NCAM1: variants seen among roughly 807,000 people sequenced by gnomAD.
NCAM1 encodes the protein neural cell adhesion molecule 1, also known as antigen recognized by monoclonal antibody 5.1H11.
Under a neutral mutation model 109.8 loss-of-function variants are expected in NCAM1, and 14 were observed. The ratio of observed to expected loss-of-function variants is 0.13; its 90% CI spans 0.08 to 0.20. The LOEUF (loss-of-function observed/expected upper bound fraction) is 0.20, where lower values mean the gene tolerates loss of function less well. NCAM1 is among the 10% of genes least tolerant of loss of function. The pLI, the probability that NCAM1 is intolerant of heterozygous loss-of-function variation, is 1.00. For missense variants in NCAM1, 774 were observed against 1,109.9 expected, an observed-to-expected ratio of 0.70 and a Z score of 4.30; for synonymous variants, 418 against 442.9, an observed-to-expected ratio of 0.94 and a Z score of 0.70.
chr11:113,073,731 C>A (rs183776602), intron 1 of NCAM1, among the ~76,000 whole-genome samples: 1 of 152,296 alleles, frequency 6.6e-6, no homozygotes, highest in Non-Finnish European at 1.5e-5. Flanking sequence ...TTTTAGAACA[C>A]CCGAGTCAGC....
intron 1 of NCAM1, among the ~76,000 whole-genome samples, chr11:112,973,939 G>T (rs1950943281): frequency 6.6e-6 from 1 of 152,044 alleles, no homozygotes. Flanking sequence ...TTTGACAAAA[G>T]TAATAGTTAA....
chr11:112,971,895 T>G (rs1416653325), intron 1 of NCAM1, among the ~76,000 whole-genome samples: 1 of 152,156 alleles, frequency 6.6e-6, no homozygotes, highest in African/African-American at 2.4e-5. Context: ...CTTGTTAGAT[T>G]AAAGAAACCC....
intron 1 of NCAM1, among the ~76,000 whole-genome samples, chr11:113,016,240 A>AT (rs1952202115): frequency 6.6e-6 from 1 of 152,172 alleles, no homozygotes; most frequent in African/African-American, 2.4e-5. Flanking sequence ...TTTCATCCTC[A>AT]TGGCAGCCTT....
chr11:112,981,526 G>T (rs561667324), intron 1 of NCAM1, among the ~76,000 whole-genome samples: 2 of 151,902 alleles, frequency 1.3e-5, no homozygotes, highest in East Asian at 3.9e-4. Flanking sequence ...GTATCTATGG[G>T]ATACCATAGA....
intron 1 of NCAM1, among the ~76,000 whole-genome samples, chr11:113,052,037 G>A (rs1452950342): frequency 6.6e-6 from 1 of 152,304 alleles, no homozygotes. Flanking sequence ...TAGCATCCAG[G>A]TGCAACTTTA....
At chr11:113,180,423 C>G (rs1943295735) in intron 1 of NCAM1, among the ~76,000 whole-genome samples, 1 of 152,172 alleles carries the variant, frequency 6.6e-6, no homozygotes, top group Admixed American at 6.5e-5. Flanking sequence ...TAAAAACAAA[C>G]TTTTAGAGGT....
intron 17 of NCAM1, chr11:113,264,841 C>T (rs1946101798): frequency 9.1e-6 from 9 of 985,400 alleles, no homozygotes; most frequent in East Asian, 1.1e-4. Context: ...TGTAACAGTG[C>T]GCTCCTCAGG....
chr11:113,079,052 C>T (rs1046522891), intron 1 of NCAM1, among the ~76,000 whole-genome samples: 3 of 152,050 alleles, frequency 2.0e-5, no homozygotes, highest in Admixed American at 2.0e-4. Flanking sequence ...GTGGAGAGAG[C>T]TGCAGAGGCA....
rs74998004 is a variant in NCAM1, at chr11:113,162,290, G to A, written c.53-40089G>A. 6.2e-3 allele frequency among the ~76,000 whole-genome samples: 942 copies of A among 152,158 alleles called. 8 individuals are homozygous for A. Among genetic ancestry groups the A allele is most frequent in the Non-Finnish European group, 0.011 (777 of 68,008 alleles). Reference sequence around the variant, plus strand: ...TCTTTTTGGTTTCCAGTCATTAGAAGCATGTTTTTTGTCTTGTCATTTATT... The same window carrying A: ...TCTTTTTGGTTTCCAGTCATTAGAAACATGTTTTTTGTCTTGTCATTTATT... On this transcript the variant is annotated intron_variant, in intron 1 of 19. Coordinates refer to ENST00000316851, the MANE Select transcript of NCAM1 (RefSeq NM_181351.5).
At chr11:113,024,278 G>T (rs984174774) in intron 1 of NCAM1, among the ~76,000 whole-genome samples, 2 of 152,128 alleles carry the variant, frequency 1.3e-5, no homozygotes, top group African/African-American at 2.4e-5. Flanking sequence ...TACTGCCCTC[G>T]GTTTTGAACT....
chr11:113,111,665 C>G (rs1340448613), intron 1 of NCAM1, among the ~76,000 whole-genome samples: 1 of 152,106 alleles, frequency 6.6e-6, no homozygotes, highest in Non-Finnish European at 1.5e-5. Context: ...TAAATTATTC[C>G]TCAGTAAACG....
chr11:113,199,095 C>T (rs926849601), intron 1 of NCAM1, among the ~76,000 whole-genome samples: 5 of 152,048 alleles, frequency 3.3e-5, no homozygotes, highest in East Asian at 3.9e-4. Flanking sequence ...TTCATAAGCA[C>T]GTGTCTTTGA....
chr11:113,080,401 C>T (rs1214080589), intron 1 of NCAM1, among the ~76,000 whole-genome samples: 3 of 151,782 alleles, frequency 2.0e-5, no homozygotes, highest in Non-Finnish European at 4.4e-5. Flanking sequence ...AATCACATAC[C>T]GATTGTCAAA....
intron 1 of NCAM1, among the ~76,000 whole-genome samples, chr11:113,168,132 C>G (rs1200817632): frequency 6.6e-6 from 1 of 152,098 alleles, no homozygotes; most frequent in African/African-American, 2.4e-5. Flanking sequence ...GCTGGATAAT[C>G]GAGTTAATTC....
chr11:113,009,330 T>TTTTTC (rs1951979208), intron 1 of NCAM1, among the ~76,000 whole-genome samples: 1 of 140,498 alleles, frequency 7.1e-6, no homozygotes, highest in Non-Finnish European at 1.6e-5. Flanking sequence ...TTTTTTTTTT[T>TTTTTC]TTTTTTTTTT....
chr11:113,016,307 G>A lies in NCAM1; in HGVS notation c.52+54643G>A, dbSNP rs576344780. 3.3e-5 allele frequency among the ~76,000 whole-genome samples: 5 copies of A among 152,244 alleles called. No homozygotes were observed. In the East Asian group the frequency reaches 7.7e-4, roughly 24 times the overall value. ...ACAACTGCAGAAATTAAGTTTTAGG[G>A]AGGCCAAGCAACTTTCTCAGGGTTG... On this transcript the variant is annotated intron_variant, in intron 1 of 19. Transcript: ENST00000316851.
intron 1 of NCAM1, among the ~76,000 whole-genome samples, chr11:113,104,018 T>C (rs1367288395): frequency 1.3e-5 from 2 of 152,066 alleles, no homozygotes; most frequent in Non-Finnish European, 2.9e-5. Flanking sequence ...TGGGAAACCC[T>C]GGGTTGGATG....
chr11:113,147,507 G>A (rs1426311437), intron 1 of NCAM1, among the ~76,000 whole-genome samples: 4 of 152,202 alleles, frequency 2.6e-5, no homozygotes, highest in South Asian at 2.1e-4. Context: ...TGAGTTTTCC[G>A]CTGATGGTTC....
At position 113,270,750 on chromosome 11, in the gene NCAM1, G is replaced by C. The variant is rs182407816; in HGVS notation, c.2339+355G>C. Among the ~76,000 whole-genome samples, 1,322 of 152,208 alleles carry C rather than the reference G, an allele frequency of 8.7e-3. 9 individuals carry two copies. Among genetic ancestry groups the C allele is most frequent in the Non-Finnish European group, 0.013 (909 of 68,010 alleles). ...AGAGGGACACACTTACCTTGCTTTCGTACATTGTTTATTCATTCATTCATC... is the reference window on the plus strand; with the variant it reads ...AGAGGGACACACTTACCTTGCTTTCCTACATTGTTTATTCATTCATTCATC... On this transcript the variant is annotated intron_variant, in intron 18 of 19. Transcript: ENST00000316851.
Sources: allele counts gnomAD v4.1 joint callset (sites outside exome capture counted in the v4.1 genomes callset), GRCh38; gene constraint gnomAD v4.1.1; transcripts MANE v1.5; gene names NCBI Gene and HGNC (gene_info 2026-07-23, HGNC 2026-07-21).